Variants in SLC39A12 observed in about 807,000 individuals in gnomAD.
SLC39A12 encodes solute carrier family 39 member 12.
Under a neutral mutation model 71.1 loss-of-function variants are expected in SLC39A12, and 63 were observed. That is an observed-to-expected ratio of 0.89 (90% CI 0.72 to 1.09). The LOEUF (loss-of-function observed/expected upper bound fraction) is 1.09. SLC39A12 is among the 50% of genes least tolerant of loss of function. The pLI is 0.00. For missense variants in SLC39A12, 892 were observed against 812.6 expected, an observed-to-expected ratio of 1.10 and a Z score of -1.19; for synonymous variants, 351 against 301.3, an observed-to-expected ratio of 1.16 and a Z score of -1.71.
intron 12 of SLC39A12, among the ~76,000 whole-genome samples, chr10:18,035,505 C>G (rs1478223474): frequency 6.7e-6 from 1 of 148,692 alleles, no homozygotes; most frequent in African/African-American, 2.5e-5. Flanking sequence ...CCATCAGCTC[C>G]TTTAAGCACT....
intron 12 of SLC39A12, among the ~76,000 whole-genome samples, chr10:18,039,383 T>C (rs568457350): frequency 2.3e-4 from 35 of 152,304 alleles, no homozygotes; most frequent in African/African-American, 7.5e-4. Context: ...GTGGCCTATG[T>C]TGTCTGGCTT....
In SLC39A12 at chr10:17,961,943, A is replaced by G. The variant is rs180702675; in HGVS notation, c.543+81A>G. The G allele has an allele frequency of 4.9e-5, 69 of 1,395,222 alleles. No homozygotes were observed. In the Admixed American group the frequency reaches 1.5e-3, roughly 30 times the overall value. The allele number at this position is 1,395,222 out of a possible 1,614,324, so 86.4% of individuals were successfully genotyped here. ...TATTGTTTGTTCCTTATTTATTTCT[A>G]AGACATTCAAGGACTTCTAAGGGAG... On this transcript the variant is annotated intron_variant, in intron 3 of 12. Coordinates refer to ENST00000377369, the MANE Select transcript of SLC39A12 (RefSeq NM_001145195.2).
At chr10:18,025,541 T>C (rs1405527662) in intron 12 of SLC39A12, among the ~76,000 whole-genome samples, 2 of 152,222 alleles carry the variant, frequency 1.3e-5, no homozygotes, top group Non-Finnish European at 2.9e-5. Flanking sequence ...GCTTCATCCA[T>C]GTCCCTACAA....
At chr10:17,997,544 C>T (rs966480217) in intron 10 of SLC39A12, among the ~76,000 whole-genome samples, 2 of 152,048 alleles carry the variant, frequency 1.3e-5, no homozygotes, top group Non-Finnish European at 2.9e-5. Flanking sequence ...CCAGTCAAAT[C>T]AGGAGCTGAA....
intron 12 of SLC39A12, 21 bp from the exon 13 acceptor site, chr10:18,042,684 G>A: frequency 6.3e-7 from 1 of 1,595,732 alleles, no homozygotes; most frequent in Non-Finnish European, 8.5e-7. Flanking sequence ...ATCTTATTCT[G>A]GTTTTTTATT....
intron 12 of SLC39A12, among the ~76,000 whole-genome samples, chr10:18,038,060 A>C (rs1194078437): frequency 1.4e-5 from 2 of 141,658 alleles, no homozygotes; most frequent in African/African-American, 5.4e-5. Context: ...AAGCACAGCT[A>C]ACTGTATGGC....
chr10:17,991,369 C>G, intron 8 of SLC39A12, 66 bp downstream of exon 8: 1 of 1,341,432 alleles, frequency 7.5e-7, no homozygotes. Flanking sequence ...TGTTCCTTCA[C>G]AAGTACTTGT....
intron 4 of SLC39A12, among the ~76,000 whole-genome samples, chr10:17,966,375 A>C (rs2130786116): frequency 6.6e-6 from 1 of 152,178 alleles, no homozygotes; most frequent in Non-Finnish European, 1.5e-5. Flanking sequence ...CAGTGGTGGG[A>C]CCGTAATTCA....
At chr10:18,029,869 A>G (rs1403506032) in intron 12 of SLC39A12, among the ~76,000 whole-genome samples, 1 of 150,996 alleles carries the variant, frequency 6.6e-6, no homozygotes, top group African/African-American at 2.4e-5. Context: ...TTTTCCTTCA[A>G]AATTGACTGG....
At chr10:17,963,549 T>G (rs1057320592) in intron 3 of SLC39A12, among the ~76,000 whole-genome samples, 1 of 152,216 alleles carries the variant, frequency 6.6e-6, no homozygotes, top group Non-Finnish European at 1.5e-5. Context: ...TCATAACCCT[T>G]TGCTACACCT....
intron 12 of SLC39A12, among the ~76,000 whole-genome samples, chr10:18,041,361 C>T (rs12265986): frequency 0.044 from 6,634 of 151,430 alleles, 516 homozygotes; most frequent in African/African-American, 0.15. Context: ...CCGAGTGTGG[C>T]AGCACATGCC....
intron 6 of SLC39A12, among the ~76,000 whole-genome samples, chr10:17,983,928 G>A (rs756495152): frequency 3.3e-5 from 5 of 152,128 alleles, no homozygotes; most frequent in Non-Finnish European, 5.9e-5. Flanking sequence ...AGGAAGACTC[G>A]GGGAGACATT....
intron 4 of SLC39A12, among the ~76,000 whole-genome samples, chr10:17,970,946 T>C (rs1030773288): frequency 6.6e-6 from 1 of 152,130 alleles, no homozygotes; most frequent in African/African-American, 2.4e-5. Flanking sequence ...GTCTAATATA[T>C]ATAGCTTTTA....
chr10:17,978,214 T>A, intron 5 of SLC39A12, 140 bp downstream of exon 5: 1 of 653,044 alleles, frequency 1.5e-6, no homozygotes, highest in Non-Finnish European at 2.4e-6. Context: ...TTCCACCACG[T>A]AGTTACGGTT....
In SLC39A12 at chr10:18,042,807, A is replaced by G. The variant is rs774399143; in HGVS notation, c.2050A>G (p.Ile684Val). ...LGWLSLLLLA[I>V]YEQNIKI ...TTGGCTTTCTCTCCTGCTCTTGGCT[A>G]TATATGAGCAAAATATTAAAATATA... The change falls in exon 13 of 13, where the codon ATA becomes GTA. Residue 684 changes from isoleucine (I) to valine (V), a missense_variant. Physicochemically the swap from Ile to Val is conservative, Grantham distance 29. Coordinates refer to ENST00000377369, the MANE Select transcript of SLC39A12 (RefSeq NM_001145195.2). The G allele has an allele frequency of 1.1e-5, 18 of 1,609,986 alleles. No individual in the cohort carries two copies. The highest frequency in any genetic ancestry group is 1.1e-4 in the South Asian group (10 of 89,984).
intron 4 of SLC39A12, among the ~76,000 whole-genome samples, chr10:17,970,611 G>A (rs1051048558): frequency 9.9e-5 from 15 of 151,174 alleles, no homozygotes; most frequent in African/African-American, 3.2e-4. Flanking sequence ...AAATGCTACC[G>A]ATTTTTGTAT....
intron 6 of SLC39A12, among the ~76,000 whole-genome samples, chr10:17,982,928 C>T (rs1228718860): frequency 6.6e-6 from 1 of 151,954 alleles, no homozygotes; most frequent in African/African-American, 2.4e-5. Context: ...CGGTGGCTCA[C>T]GTCTGTAATC....
rs1393009005 is a variant in SLC39A12 at position 17,981,584 on chromosome 10, A to G, written c.1096+101A>G. 20 of 926,902 alleles carry G rather than the reference A, an allele frequency of 2.2e-5. No individual in the cohort carries two copies. In the Admixed American group the frequency reaches 4.5e-4, roughly 21 times the overall value. The allele number at this position is 926,902 out of a possible 1,614,324, so 57.4% of individuals were successfully genotyped here. ...CTATATACCAGGCTCTGTTGTAAAC[A>G]TTTTACATTTATCAGCTCATTTAAT... On this transcript the variant is annotated intron_variant, in intron 6 of 12. Coordinates refer to ENST00000377369, the MANE Select transcript of SLC39A12 (RefSeq NM_001145195.2).
intron 12 of SLC39A12, among the ~76,000 whole-genome samples, chr10:18,027,295 G>C (rs1836704583): frequency 1.3e-5 from 2 of 152,184 alleles, no homozygotes. Flanking sequence ...AGCTGAAATT[G>C]GGTATTTTCC....
Sources: allele counts gnomAD v4.1 joint callset (sites outside exome capture counted in the v4.1 genomes callset), GRCh38; gene constraint gnomAD v4.1.1; transcripts MANE v1.5; gene names NCBI Gene and HGNC (gene_info 2026-07-23, HGNC 2026-07-21).